The following PDE1B variants were observed in gnomAD, a reference collection of about 807,000 sequenced individuals.
PDE1B encodes the protein dual specificity calcium/calmodulin-dependent 3',5'-cyclic nucleotide phosphodiesterase 1B.
Under a neutral mutation model 66.7 loss-of-function variants are expected in PDE1B, and 13 were observed. The ratio of observed to expected loss-of-function variants is 0.19; its 90% CI spans 0.13 to 0.31. PDE1B has a LOEUF of 0.31. PDE1B is among the 10% of genes least tolerant of loss of function. The pLI is 1.00. For missense variants in PDE1B, 485 were observed against 682.3 expected, an observed-to-expected ratio of 0.71 and a Z score of 3.22; for synonymous variants, 230 against 253.9, an observed-to-expected ratio of 0.91 and a Z score of 0.90.
chr12:54,572,421 C>T (rs1330917000), intron 6 of PDE1B, 180 bp from the exon 7 acceptor site: 11 of 658,366 alleles, frequency 1.7e-5, no homozygotes, highest in Non-Finnish European at 2.5e-5. Flanking sequence ...ATGTGACTTA[C>T]CCAAGGTTGC....
intron 15 of PDE1B, 63 bp from the exon 16 acceptor site, chr12:54,577,797 G>GGAAGGTCAGGTTGGAGGTGAAGGC: frequency 2.5e-6 from 1 of 402,974 alleles, no homozygotes; most frequent in Admixed American, 4.1e-5. Flanking sequence ...ACTTGGAGAA[G>GGAAGGTCAGGTTGGAGGTGAAGGC]GAAGGTCAGG....
intron 2 of PDE1B, among the ~76,000 whole-genome samples, chr12:54,553,296 T>C (rs1957303055): frequency 6.6e-6 from 1 of 152,214 alleles, no homozygotes; most frequent in Non-Finnish European, 1.5e-5. Context: ...AACACCACTC[T>C]CTTTTCTCTG....
chr12:54,562,065 C>T (rs952998022), intron 2 of PDE1B, among the ~76,000 whole-genome samples: 1 of 152,130 alleles, frequency 6.6e-6, no homozygotes, highest in African/African-American at 2.4e-5. Context: ...AGAATCTCCC[C>T]AGACGCACTC....
In PDE1B at chr12:54,569,034, T is replaced by A. The variant is rs1957570085; in HGVS notation, c.228-150T>A. 2 of 1,309,342 alleles carry A rather than the reference T, an allele frequency of 1.5e-6. No homozygotes were observed. Among genetic ancestry groups the A allele is most frequent in the Admixed American group, 5.8e-5 (2 of 34,714 alleles). The allele number at this position is 1,309,342 out of a possible 1,614,324, so 81.1% of individuals were successfully genotyped here. A position where few individuals can be genotyped will look rare whatever the true frequency, so the allele number is the denominator to read the frequency against. On this transcript the variant is annotated intron_variant, in intron 3 of 15. Transcript: ENST00000243052. This position sits in a 1 kb window ranked among gnomAD's most constrained non-coding sequence, Gnocchi z 4.4. ...TTATTGGAGATGTTAGATAAAGAAA[T>A]AAAAAGATATAGAGAAAGAAAGGAA...
chr12:54,562,952 G>A (rs151269613), intron 2 of PDE1B, among the ~76,000 whole-genome samples: 53 of 152,266 alleles, frequency 3.5e-4, no homozygotes, highest in Admixed American at 1.2e-3. Context: ...GGAGAAACTC[G>A]GAGGGAAACC....
At position 54,575,857 on chromosome 12, in the gene PDE1B, G is replaced by A. The variant is rs1957731625; in HGVS notation, c.1268-135G>A. On this transcript the variant is annotated intron_variant, in intron 12 of 15. Coordinates refer to ENST00000243052, the MANE Select transcript of PDE1B (RefSeq NM_000924.4). The surrounding 1 kb of genome is among the most constrained non-coding windows in gnomAD (Gnocchi z 4.0). ...CATCCCAAAGCCTGCCCTGCATTGG[G>A]AAGTTTTCAGCCCCAGGTTACCTCT... is the stretch of plus-strand genomic sequence containing the variant. 1 of 777,710 alleles carries A rather than the reference G, an allele frequency of 1.3e-6. No homozygotes were observed. The highest frequency in any genetic ancestry group is 2.2e-6 in the Non-Finnish European group (1 of 446,316). 48.2% of individuals were successfully genotyped at this position (777,710 alleles called of 1,614,324 possible).
At chr12:54,566,643 T>G (rs577336602) in intron 2 of PDE1B, among the ~76,000 whole-genome samples, 151 of 152,322 alleles carry the variant, frequency 9.9e-4, no homozygotes, top group African/African-American at 3.6e-3. Flanking sequence ...TCCAGGGGCT[T>G]GTACCTGCCT....
intron 2 of PDE1B, chr12:54,561,665 G>T (rs1184405819): frequency 6.7e-7 from 1 of 1,493,254 alleles, no homozygotes; most frequent in Non-Finnish European, 9.0e-7. Flanking sequence ...GAAGAGGAAG[G>T]GGGAGGAGGG....
At chr12:54,562,840 T>C (rs2121078592) in intron 2 of PDE1B, among the ~76,000 whole-genome samples, 1 of 152,286 alleles carries the variant, frequency 6.6e-6, no homozygotes, top group South Asian at 2.1e-4. Context: ...TAATCTTTTT[T>C]CCCCTCCCTC....
intron 3 of PDE1B, among the ~76,000 whole-genome samples, chr12:54,568,905 T>C (rs187894152): frequency 5.3e-5 from 8 of 152,226 alleles, no homozygotes; most frequent in East Asian, 1.9e-4. Context: ...TTTATTTCTA[T>C]TGGATGGTGC....
rs1313687151 is a variant in PDE1B at position 54,573,321 on chromosome 12, C to G, written c.837-34C>G. 1.9e-6 allele frequency: 3 copies of G among 1,613,922 alleles called. No individual in the cohort carries two copies. In the South Asian group the frequency reaches 3.3e-5, roughly 18 times the overall value. ...GGGAGGTTGCCGGAGTCCCTCCTTA[C>G]AGGGGGTGGTCATGATGACCTTTGG... is the stretch of plus-strand genomic sequence containing the variant. On this transcript the variant is annotated intron_variant, in intron 8 of 15. Transcript: ENST00000243052. This position sits in a 1 kb window ranked among gnomAD's most constrained non-coding sequence, Gnocchi z 5.2.
At chr12:54,551,620 T>C (rs1957278907) in intron 2 of PDE1B, among the ~76,000 whole-genome samples, 1 of 152,234 alleles carries the variant, frequency 6.6e-6, no homozygotes, top group South Asian at 2.1e-4. Flanking sequence ...TCATCATACT[T>C]ACCTTGCCTG....
chr12:54,576,127 T>C, intron 13 of PDE1B, 27 bp downstream of exon 13: 1 of 1,408,844 alleles, frequency 7.1e-7, no homozygotes, highest in East Asian at 2.3e-5. Flanking sequence ...TAGCCAGATA[T>C]CTTGGTTCAG....
intron 2 of PDE1B, among the ~76,000 whole-genome samples, chr12:54,556,908 A>G (rs1957349114): frequency 1.3e-5 from 2 of 152,084 alleles, no homozygotes; most frequent in East Asian, 3.9e-4. Flanking sequence ...GGCTGGTTGT[A>G]GGGAGAGGCT....
At chr12:54,572,530 G>A (rs1439895430) in intron 6 of PDE1B, 71 bp from the exon 7 acceptor site, 1 of 1,446,828 alleles carries the variant, frequency 6.9e-7, no homozygotes, top group Admixed American at 1.7e-5. Context: ...GAAAGTTGTT[G>A]ATCTCGGTCC....
chr12:54,566,397 G>A (rs752406969), intron 2 of PDE1B, among the ~76,000 whole-genome samples: 31 of 152,174 alleles, frequency 2.0e-4, no homozygotes, highest in Non-Finnish European at 3.8e-4. Flanking sequence ...CATGGAGAGA[G>A]GCCAGGCGAA....
At chr12:54,568,893 A>G (rs1451930147) in intron 3 of PDE1B, among the ~76,000 whole-genome samples, 3 of 152,170 alleles carry the variant, frequency 2.0e-5, no homozygotes, top group Admixed American at 1.3e-4. Context: ...TGCGGCTTGC[A>G]TTTTATTTCT....
chr12:54,559,583 AATAATAAC>A (rs1290125050), intron 2 of PDE1B, among the ~76,000 whole-genome samples: 2 of 152,054 alleles, frequency 1.3e-5, no homozygotes. Flanking sequence ...AAGAGTAAAT[AATAATAAC>A]AGGCTAGGGC....
At chr12:54,551,249 G>C (rs571685361) in intron 2 of PDE1B, among the ~76,000 whole-genome samples, 4 of 152,282 alleles carry the variant, frequency 2.6e-5, no homozygotes, top group Admixed American at 2.6e-4. Flanking sequence ...TATGGCAGAT[G>C]GGTCTGATTT....
Sources: allele counts gnomAD v4.1 joint callset (sites outside exome capture counted in the v4.1 genomes callset), GRCh38; gene constraint gnomAD v4.1.1; non-coding constraint Gnocchi (gnomAD v3.1); transcripts MANE v1.5; gene names NCBI Gene and HGNC (gene_info 2026-07-23, HGNC 2026-07-21).